KDELR2: variants seen among roughly 807,000 people sequenced by gnomAD.
KDELR2 encodes the protein ER lumen protein-retaining receptor 2.
KDELR2 carries 15 observed loss-of-function variants against 23.9 expected under a neutral mutation model. The ratio of observed to expected loss-of-function variants is 0.63; its 90% CI spans 0.42 to 0.97. The LOEUF is 0.97. Ranked by LOEUF, KDELR2 falls within the 50% of genes least tolerant of loss-of-function variation. The pLI is 0.00. For synonymous variants in KDELR2, 119 were observed against 106.2 expected (o/e 1.12, Z -0.74); for missense variants, 272 against 254.6 (o/e 1.07, Z -0.46).
intron 1 of KDELR2, among the ~76,000 whole-genome samples, chr7:6,480,726 C>T (rs1785871438): frequency 6.6e-6 from 1 of 152,204 alleles, no homozygotes; most frequent in South Asian, 2.1e-4. Context: ...ATGCACGTTT[C>T]TCCTATTCCA....
At chr7:6,464,734 C>CTTT (rs201529691) in intron 4 of KDELR2, among the ~76,000 whole-genome samples, 2 of 111,228 alleles carry the variant, frequency 1.8e-5, no homozygotes, top group African/African-American at 3.3e-5. Flanking sequence ...TCTTTTTTTT[C>CTTT]TTTTTTTTTT....
rs1785874514 is a variant in KDELR2 at position 6,480,938 on chromosome 7, T to C, written c.91+3029A>G. On this transcript the variant is annotated intron_variant, in intron 1 of 4. Transcript: ENST00000258739. ...AAGTCTGAGAACAAGAACAATTTAA[T>C]AATGTCCCGGGAATACTTGGCAAAC... Among the ~76,000 whole-genome samples, 3 of 152,216 alleles carry C rather than the reference T, an allele frequency of 2.0e-5. No individual in the cohort carries two copies. The South Asian group carries it at 6.2e-4, about 31-fold the overall frequency.
chr7:6,463,169 T>G lies in KDELR2; in HGVS notation c.611A>C (p.Lys204Thr). The change falls in exon 5 of 5, where the codon AAG becomes ACG. Residue 204 changes from lysine (K) to threonine (T), a missense_variant. Transcript: ENST00000258739. ...TGCTGGCAAACTGAGCTTCTTTCCC[T>G]TGAGTACTAGAATTTCAAAGAGAAG... Reference protein sequence around the residue: ...FFYLYITKVLKGKKLSLPA With the variant: ...FFYLYITKVLTGKKLSLPA 1 of 1,612,710 alleles carries G rather than the reference T, an allele frequency of 6.2e-7. No individual in the cohort carries two copies. The highest frequency in any genetic ancestry group is 8.5e-7 in the Non-Finnish European group (1 of 1,179,538).
chr7:6,465,919 C>A (rs1026844963), intron 4 of KDELR2, 152 bp downstream of exon 4: 9 of 792,052 alleles, frequency 1.1e-5, no homozygotes, highest in African/African-American at 1.7e-5. Flanking sequence ...TTTAAAAAGA[C>A]AACATCCTGA....
rs953745918 is a variant in KDELR2, at chr7:6,479,466, CTTT to C, written c.91+4498_91+4500del. ...CACTAAGACCGGCCAAGAACAAAAA[CTTT>C]TTTTTTGTTTGTTTGTTTGATTTTT... On this transcript the variant is annotated intron_variant, in intron 1 of 4. Transcript: ENST00000258739. 2.6e-5 allele frequency among the ~76,000 whole-genome samples: 4 copies of C among 151,640 alleles called. No homozygotes were observed. In the East Asian group the frequency reaches 7.8e-4, roughly 29 times the overall value.
At position 6,483,932 on chromosome 7, in the gene KDELR2, G is replaced by T. The variant is rs774047220; in HGVS notation, c.91+35C>A. 3 of 1,443,732 alleles carry T rather than the reference G, an allele frequency of 2.1e-6. No homozygotes were observed. The African/African-American group carries it at 4.4e-5, about 21-fold the overall frequency. The allele number at this position is 1,443,732 out of a possible 1,614,324, so 89.4% of individuals were successfully genotyped here. The stretch of plus-strand genomic sequence containing the variant: ...GTCCTCGGCGAGACCCGGCCCCCAC[G>T]CCCGAGCCTCTCCGGGCCTTCCCCC... On this transcript the variant is annotated intron_variant, in intron 1 of 4. Transcript: ENST00000258739.
intron 3 of KDELR2, among the ~76,000 whole-genome samples, chr7:6,468,522 T>C (rs1785551689): frequency 6.6e-6 from 1 of 152,020 alleles, no homozygotes; most frequent in Admixed American, 6.6e-5. Flanking sequence ...TTCTTTTTTT[T>C]TGAGACAGCG....
chr7:6,465,435 G>A (rs533989540), intron 4 of KDELR2, among the ~76,000 whole-genome samples: 27 of 151,700 alleles, frequency 1.8e-4, no homozygotes, highest in South Asian at 4.2e-4. Context: ...CGCCCGCCTC[G>A]GCCTCCCAAA....
chr7:6,478,290 G>A (rs906873516), intron 1 of KDELR2, among the ~76,000 whole-genome samples: 1 of 151,962 alleles, frequency 6.6e-6, no homozygotes, highest in African/African-American at 2.4e-5. Context: ...TAAGACACAG[G>A]TGCACGCCAC....
At position 6,469,602 on chromosome 7, in the gene KDELR2, A is replaced by G; in HGVS notation, c.345T>C (p.Pro115=). The change falls in exon 3 of 5, where the codon CCT becomes CCC. Residue 115 remains proline, a synonymous_variant. Coordinates refer to ENST00000258739, the MANE Select transcript of KDELR2 (RefSeq NM_006854.4). The part of the protein sequence containing the change: ...LSFLVNHDFS[P]LEILWTFSIY... ...AGTAACCTTTTAAACTAACCTCAAGAGGAGAGAAATCGTGATTAACTAAAA... is the reference window on the plus strand; with the variant it reads ...AGTAACCTTTTAAACTAACCTCAAGGGGAGAGAAATCGTGATTAACTAAAA... The G allele has an allele frequency of 6.2e-7, 1 of 1,613,826 alleles. No homozygotes were observed. Among genetic ancestry groups the G allele is most frequent in the South Asian group, 1.1e-5 (1 of 91,038 alleles).
At chr7:6,463,499 G>A (rs1430946924) in intron 4 of KDELR2, among the ~76,000 whole-genome samples, 1 of 152,102 alleles carries the variant, frequency 6.6e-6, no homozygotes, top group African/African-American at 2.4e-5. Flanking sequence ...GGCAGGCCAG[G>A]GTGGGAGGAT....
In KDELR2 at chr7:6,473,076, T is replaced by G. The variant is rs183713177; in HGVS notation, c.192+1108A>C. Among the ~76,000 whole-genome samples, 457 of 107,626 alleles carry G rather than the reference T, an allele frequency of 4.2e-3. 4 individuals carry two copies. Among genetic ancestry groups the G allele is most frequent in the African/African-American group, 0.015 (419 of 28,862 alleles). 70.6% of individuals were successfully genotyped at this position (107,626 alleles called of 152,430 possible). On this transcript the variant is annotated intron_variant, in intron 2 of 4. Transcript: ENST00000258739. ...GAGTATGCCACCATGCCTGGCTAAT[T>G]TTTGTATTTTTTTTTTTTTTTTTTT...
intron 2 of KDELR2, chr7:6,470,030 A>G (rs1785595125): frequency 3.6e-6 from 1 of 277,574 alleles, no homozygotes; most frequent in South Asian, 6.7e-5. Flanking sequence ...GGCTTCCTTC[A>G]CCTCCTGCAG....
intron 3 of KDELR2, among the ~76,000 whole-genome samples, chr7:6,468,538 C>T (rs978664288): frequency 4.1e-4 from 63 of 151,942 alleles, no homozygotes; most frequent in African/African-American, 1.5e-3. Flanking sequence ...CAGCGTCTCG[C>T]TCTGTCGCCA....
chr7:6,474,143 C>T, intron 2 of KDELR2, 41 bp downstream of exon 2: 1 of 1,173,476 alleles, frequency 8.5e-7, no homozygotes, highest in Non-Finnish European at 1.3e-6. Flanking sequence ...TAGACCTGTG[C>T]ACTGTAGATG....
At chr7:6,483,203 G>A (rs753016361) in intron 1 of KDELR2, among the ~76,000 whole-genome samples, 1 of 152,138 alleles carries the variant, frequency 6.6e-6, no homozygotes, top group Non-Finnish European at 1.5e-5. Context: ...GCCCATAGGA[G>A]GCCTCGGCGG....
At chr7:6,464,856 C>T (rs1785468178) in intron 4 of KDELR2, among the ~76,000 whole-genome samples, 1 of 151,574 alleles carries the variant, frequency 6.6e-6, no homozygotes, top group South Asian at 2.1e-4. Flanking sequence ...CTGCCTCAGC[C>T]CCCCAAGTAG....
At chr7:6,477,584 C>A (rs761299998) in intron 1 of KDELR2, among the ~76,000 whole-genome samples, 1 of 152,182 alleles carries the variant, frequency 6.6e-6, no homozygotes, top group Non-Finnish European at 1.5e-5. Flanking sequence ...TTAAGGAGTA[C>A]AACTTGTTAA....
intron 1 of KDELR2, among the ~76,000 whole-genome samples, chr7:6,475,048 G>A (rs934914897): frequency 6.6e-6 from 1 of 152,188 alleles, no homozygotes; most frequent in Non-Finnish European, 1.5e-5. Context: ...CACCGACTCA[G>A]GTAAGAGTTG....
Sources: allele counts gnomAD v4.1 joint callset (sites outside exome capture counted in the v4.1 genomes callset), GRCh38; gene constraint gnomAD v4.1.1; transcripts MANE v1.5; gene names NCBI Gene and HGNC (gene_info 2026-07-23, HGNC 2026-07-21).